PRKN: variants seen among roughly 807,000 people sequenced by gnomAD.
PRKN encodes parkin RBR E3 ubiquitin protein ligase, also known as E3 ubiquitin-protein ligase parkin.
Under a neutral mutation model 59.5 loss-of-function variants are expected in PRKN, and 56 were observed. The ratio of observed to expected loss-of-function variants is 0.94; its 90% CI spans 0.76 to 1.18. The LOEUF is 1.18. Ranked by LOEUF, PRKN falls within the 50% of genes most tolerant of loss-of-function variation. PRKN has a pLI of 0.00. For synonymous variants in PRKN, 250 were observed against 222.1 expected (o/e 1.13, Z -1.12); for missense variants, 657 against 596.4 (o/e 1.10, Z -1.06).
chr6:161,805,691 G>GA (rs1791289119), intron 6 of PRKN, among the ~76,000 whole-genome samples: 1 of 152,172 alleles, frequency 6.6e-6, no homozygotes, highest in Non-Finnish European at 1.5e-5. Flanking sequence ...ATGAGGCAAG[G>GA]ATTCTGTTTT....
chr6:162,059,122 T>G (rs1402073807), intron 4 of PRKN, among the ~76,000 whole-genome samples: 2 of 152,214 alleles, frequency 1.3e-5, no homozygotes, highest in African/African-American at 4.8e-5. Flanking sequence ...TTTAAATTTT[T>G]ACTGCCCTAA....
At chr6:161,635,592 C>T (rs751728339) in intron 7 of PRKN, among the ~76,000 whole-genome samples, 24 of 152,210 alleles carry the variant, frequency 1.6e-4, no homozygotes, top group Non-Finnish European at 3.1e-4. Context: ...CATCATCAGA[C>T]GCACTACATT....
chr6:162,612,271 C>A (rs1260670960), intron 1 of PRKN, among the ~76,000 whole-genome samples: 2 of 148,836 alleles, frequency 1.3e-5, no homozygotes, highest in African/African-American at 5.0e-5. Flanking sequence ...CATAATAGAA[C>A]CAGGACCAAA....
chr6:161,836,140 G>A (rs1270339864), intron 6 of PRKN, among the ~76,000 whole-genome samples: 1 of 152,166 alleles, frequency 6.6e-6, no homozygotes, highest in Non-Finnish European at 1.5e-5. Flanking sequence ...CCTTTTTACA[G>A]CCAGCTTTGG....
At chr6:161,967,292 C>G (rs987881106) in intron 6 of PRKN, among the ~76,000 whole-genome samples, 2 of 152,178 alleles carry the variant, frequency 1.3e-5, no homozygotes, top group Non-Finnish European at 2.9e-5. Context: ...CGCATCATTG[C>G]AGACTTCATC....
chr6:162,358,902 A>C (rs1243630398), intron 2 of PRKN, among the ~76,000 whole-genome samples: 4 of 151,614 alleles, frequency 2.6e-5, no homozygotes, highest in African/African-American at 9.7e-5. Context: ...TCTACTAAAA[A>C]TAAAAAAATT....
At chr6:162,619,586 G>A (rs868161480) in intron 1 of PRKN, among the ~76,000 whole-genome samples, 16 of 152,032 alleles carry the variant, frequency 1.1e-4, no homozygotes, top group Admixed American at 3.3e-4. Flanking sequence ...CAGATTGCAC[G>A]GGAAATGAAC....
chr6:162,008,427 A>G (rs1278981926), intron 5 of PRKN, among the ~76,000 whole-genome samples: 1 of 152,160 alleles, frequency 6.6e-6, no homozygotes. Context: ...AGAAAGAGGT[A>G]ATTATTCCTC....
chr6:161,390,483 G>GATTT lies in PRKN; in HGVS notation c.1084-3610_1084-3607dup, dbSNP rs530500335. ...AAACATCCATTTGGAACAAAGATGTGATTTATTTATTTATTTATTTATTGA... is the reference window on the plus strand; with the variant it reads ...AAACATCCATTTGGAACAAAGATGTGATTTATTTATTTATTTATTTATTTATTGA... On this transcript the variant is annotated intron_variant, in intron 9 of 11. Coordinates refer to ENST00000366898, the MANE Select transcript of PRKN (RefSeq NM_004562.3). This position sits in a 1 kb window ranked among gnomAD's most constrained non-coding sequence, Gnocchi z 7.0. 0.015 allele frequency among the ~76,000 whole-genome samples: 2,348 copies of GATTT among 152,144 alleles called. 22 individuals carry two copies. The highest frequency in any genetic ancestry group is 0.026 in the Admixed American group (401 of 15,268).
chr6:161,796,249 T>G (rs1790843964), intron 6 of PRKN, among the ~76,000 whole-genome samples: 1 of 152,212 alleles, frequency 6.6e-6, no homozygotes, highest in Non-Finnish European at 1.5e-5. Flanking sequence ...ATAATTACTG[T>G]TGACAGGTTG....
At chr6:162,612,366 T>C (rs1782224927) in intron 1 of PRKN, among the ~76,000 whole-genome samples, 1 of 151,786 alleles carries the variant, frequency 6.6e-6, no homozygotes, top group Non-Finnish European at 1.5e-5. Context: ...AGGTTCCTCA[T>C]CTTGGAAGGG....
At chr6:162,637,706 T>C (rs1229214121) in intron 1 of PRKN, among the ~76,000 whole-genome samples, 1 of 152,216 alleles carries the variant, frequency 6.6e-6, no homozygotes, top group Non-Finnish European at 1.5e-5. Context: ...TATATCTTAA[T>C]TAAAACAATA....
intron 1 of PRKN, among the ~76,000 whole-genome samples, chr6:162,468,307 A>G (rs1429573329): frequency 6.6e-6 from 1 of 152,204 alleles, no homozygotes; most frequent in Admixed American, 6.5e-5. Context: ...GAAAACTGAA[A>G]TCTTTTATTG....
intron 1 of PRKN, among the ~76,000 whole-genome samples, chr6:162,503,352 C>T (rs1437636460): frequency 2.0e-5 from 3 of 151,708 alleles, no homozygotes; most frequent in South Asian, 4.2e-4. Context: ...TGAGTAGAGA[C>T]GGGGTTTCGC....
intron 4 of PRKN, among the ~76,000 whole-genome samples, chr6:162,086,788 T>C (rs147552544): frequency 9.0e-4 from 137 of 152,330 alleles, no homozygotes; most frequent in African/African-American, 3.2e-3. Flanking sequence ...GCATTAATTA[T>C]AGGACATTTT....
chr6:162,214,444 C>T (rs1029482193), intron 3 of PRKN, among the ~76,000 whole-genome samples: 21 of 152,130 alleles, frequency 1.4e-4, no homozygotes, highest in Admixed American at 2.6e-4. Flanking sequence ...GCTCTGAGCA[C>T]ATGAAAGGTG....
chr6:162,192,354 C>T (rs1784314919), intron 4 of PRKN, among the ~76,000 whole-genome samples: 1 of 150,452 alleles, frequency 6.6e-6, no homozygotes. Context: ...TTAGAAAAAG[C>T]ACTATACAAA....
chr6:162,016,614 G>T (rs1782943722), intron 5 of PRKN, among the ~76,000 whole-genome samples: 1 of 152,096 alleles, frequency 6.6e-6, no homozygotes, highest in Non-Finnish European at 1.5e-5. Context: ...ATCCATGCAA[G>T]TTACCCTGGA....
intron 7 of PRKN, among the ~76,000 whole-genome samples, chr6:161,591,944 G>A (rs985606881): frequency 6.6e-6 from 1 of 152,062 alleles, no homozygotes. Context: ...CGTCCAAGGA[G>A]TATTGATTCC....
Sources: allele counts gnomAD v4.1 joint callset (sites outside exome capture counted in the v4.1 genomes callset), GRCh38; gene constraint gnomAD v4.1.1; non-coding constraint Gnocchi (gnomAD v3.1); transcripts MANE v1.5; gene names NCBI Gene and HGNC (gene_info 2026-07-23, HGNC 2026-07-21).